Variants in NKIRAS1 observed in about 807,000 individuals in gnomAD.
NKIRAS1 encodes the protein NF-kappa-B inhibitor-interacting Ras-like protein 1.
In NKIRAS1, 16 loss-of-function variants were observed where a neutral mutation model predicts 19.8. The ratio of observed to expected loss-of-function variants is 0.81; its 90% CI spans 0.55 to 1.23. The LOEUF is 1.23. Among genes scored for constraint, NKIRAS1 ranks in the 50% most tolerant of loss-of-function variants. The probability of loss-of-function intolerance (pLI) is 0.00; values close to 1 mark genes in which losing one functional copy is unlikely to be tolerated. For missense variants in NKIRAS1, 184 were observed against 220.0 expected (o/e 0.84, Z 1.04); for synonymous variants, 88 against 79.0 (o/e 1.11, Z -0.61).
At chr3:23,906,284 G>A (rs1013819612) in intron 3 of NKIRAS1, among the ~76,000 whole-genome samples, 3 of 152,042 alleles carry the variant, frequency 2.0e-5, no homozygotes, top group African/African-American at 7.2e-5. Flanking sequence ...TAGATTATCT[G>A]ATGGAGCTGA....
chr3:23,925,400 G>A (rs1246776091), intron 1 of NKIRAS1, among the ~76,000 whole-genome samples: 39 of 152,248 alleles, frequency 2.6e-4, no homozygotes, highest in South Asian at 2.1e-4. Flanking sequence ...TTGGAAGGCC[G>A]AGGCAGGCGG....
rs879675515 is a variant in NKIRAS1 at position 23,941,972 on chromosome 3, CTTAT to C, written c.-140+4347_-140+4350del. Among the ~76,000 whole-genome samples, 500 of 100,828 alleles carry C rather than the reference CTTAT, an allele frequency of 5.0e-3. 4 individuals carry two copies. Among genetic ancestry groups the C allele is most frequent in the Middle Eastern group, 0.019 (3 of 160 alleles). 66.1% of individuals were successfully genotyped at this position (100,828 alleles called of 152,430 possible). ...ATTTTAAATAGTCTTTATTTATTTA[CTTAT>C]TTATTTATTTATTTATTTTTGAGAC... On this transcript the variant is annotated intron_variant, in intron 1 of 4. Transcript: ENST00000421515.
At chr3:23,920,813 A>C (rs930827921), upstream of NKIRAS1, 1 of 944,504 alleles carries the variant, frequency 1.1e-6, no homozygotes, top group Non-Finnish European at 1.3e-6. Flanking sequence ...AGGTTGTTCA[A>C]CTGAAGGAAT....
chr3:23,934,161 TG>T (rs1705357927), intron 1 of NKIRAS1, among the ~76,000 whole-genome samples: 1 of 152,174 alleles, frequency 6.6e-6, no homozygotes, highest in Admixed American at 6.5e-5. Flanking sequence ...TCAAAAGAAA[TG>T]GGGGAAGGTT....
chr3:23,919,249 T>C (rs747729430), upstream of NKIRAS1: 4 of 1,613,592 alleles, frequency 2.5e-6, no homozygotes, highest in Admixed American at 6.7e-5. Context: ...CTTACTGGGT[T>C]GGTGAAGATT....
upstream of NKIRAS1, chr3:23,919,111 A>G (rs1399733363): frequency 4.5e-6 from 4 of 888,294 alleles, no homozygotes; most frequent in Non-Finnish European, 5.5e-6. Flanking sequence ...CTGGTGGTGA[A>G]CTAGAGTTGA....
At position 23,892,666 on chromosome 3, in the gene NKIRAS1, CATTAG is replaced by C. The variant is rs766265186; in HGVS notation, c.*424_*428del. On this transcript the variant is annotated 3_prime_UTR_variant, in exon 5 of 5. Coordinates refer to ENST00000425478, the MANE Select transcript of NKIRAS1 (RefSeq NM_020345.4). ...CAAAAAAATGTTTTATAATCCTAGACATTAGATTAATGAACTTTTTAAAAACAAAG... is the reference window on the plus strand; with the variant it reads ...CAAAAAAATGTTTTATAATCCTAGACATTAATGAACTTTTTAAAAACAAAG... 12 of 152,838 alleles carry C rather than the reference CATTAG, an allele frequency of 7.9e-5. 1 individual carries two copies. The South Asian group carries it at 1.4e-3, about 18-fold the overall frequency. 9.5% of individuals were successfully genotyped at this position (152,838 alleles called of 1,614,324 possible). A position where few individuals can be genotyped will look rare whatever the true frequency, so the allele number is the denominator to read the frequency against.
rs547672890 is a variant in NKIRAS1 at position 23,906,961 on chromosome 3, T to C, written c.94+3850A>G. ...CAGGCTGGAGTGCAGTGGCGTGATC[T>C]TGGCTCACGATAAACTCTGCCTCCC... is the stretch of plus-strand genomic sequence containing the variant. On this transcript the variant is annotated intron_variant, in intron 3 of 4. Coordinates refer to ENST00000425478, the MANE Select transcript of NKIRAS1 (RefSeq NM_020345.4). Among the ~76,000 whole-genome samples, 14 of 152,306 alleles carry C rather than the reference T, an allele frequency of 9.2e-5. 1 individual carries two copies. In the South Asian group the frequency reaches 2.5e-3, roughly 27 times the overall value.
At chr3:23,920,640 T>G (rs561635781), upstream of NKIRAS1, 2 of 985,100 alleles carry the variant, frequency 2.0e-6, no homozygotes, top group South Asian at 4.7e-5. Context: ...TTAATTTAAA[T>G]GCTCGTTCTG....
At chr3:23,933,126 A>G (rs111539985) in intron 1 of NKIRAS1, among the ~76,000 whole-genome samples, 109 of 152,300 alleles carry the variant, frequency 7.2e-4, no homozygotes, top group African/African-American at 1.4e-3. Flanking sequence ...ACTCTGACCT[A>G]CAGGAACTGT....
chr3:23,907,870 C>T (rs1703227058), intron 3 of NKIRAS1, among the ~76,000 whole-genome samples: 1 of 151,992 alleles, frequency 6.6e-6, no homozygotes, highest in Non-Finnish European at 1.5e-5. Flanking sequence ...TGAGGAAAAT[C>T]TCTTGTGTGT....
rs1705210033 is a variant in NKIRAS1, at chr3:23,926,263, G to C, written c.-139-14813C>G. Among the ~76,000 whole-genome samples the C allele has an allele frequency of 6.6e-6, 1 of 152,154 alleles. No individual in the cohort carries two copies. Among genetic ancestry groups the C allele is most frequent in the African/African-American group, 2.4e-5 (1 of 41,442 alleles). ...GACAGGGTTTCGCCGTGTTGGCCAG[G>C]CTGGTCTCAAACGCCTGACCTTAGG... On this transcript the variant is annotated intron_variant, in intron 1 of 4. Transcript: ENST00000421515. This position sits in a 1 kb window ranked among gnomAD's most constrained non-coding sequence, Gnocchi z 4.3.
At chr3:23,907,249 G>T (rs1461891337) in intron 3 of NKIRAS1, among the ~76,000 whole-genome samples, 3 of 152,144 alleles carry the variant, frequency 2.0e-5, no homozygotes, top group Admixed American at 6.5e-5. Context: ...TATTGTAAGA[G>T]TACAGTATAT....
In NKIRAS1 at chr3:23,890,960, G is replaced by A. The variant is rs536829577; in HGVS notation, c.*2135C>T. 6.1e-6 allele frequency: 1 copy of A among 163,012 alleles called. No individual in the cohort carries two copies. Among genetic ancestry groups the A allele is most frequent in the Non-Finnish European group, 1.3e-5 (1 of 75,098 alleles). 10.1% of individuals were successfully genotyped at this position (163,012 alleles called of 1,614,324 possible). ...GGCCATTTATGTAAAGTCCCTCTAA[G>A]ACTACATACTTTTTGTTTAAAACAA... On this transcript the variant is annotated 3_prime_UTR_variant, in exon 5 of 5. Transcript: ENST00000425478.
chr3:23,900,248 A>G (rs1702378129), intron 4 of NKIRAS1, among the ~76,000 whole-genome samples: 1 of 152,238 alleles, frequency 6.6e-6, no homozygotes, highest in Non-Finnish European at 1.5e-5. Context: ...AGAAGTCATT[A>G]AAATTCAACT....
chr3:23,915,368 T>G (rs1455101750), intron 1 of NKIRAS1, among the ~76,000 whole-genome samples: 1 of 152,210 alleles, frequency 6.6e-6, no homozygotes, highest in African/African-American at 2.4e-5. Context: ...CCTACTGACT[T>G]TGGTTTTAGC....
chr3:23,898,456 T>C (rs1702194690), intron 4 of NKIRAS1, among the ~76,000 whole-genome samples: 1 of 151,908 alleles, frequency 6.6e-6, no homozygotes, highest in East Asian at 1.9e-4. Flanking sequence ...TTTTTTTTTT[T>C]TTCCGAGACA....
chr3:23,944,763 T>G (rs1705583735), intron 1 of NKIRAS1, among the ~76,000 whole-genome samples: 1 of 145,108 alleles, frequency 6.9e-6, no homozygotes, highest in African/African-American at 2.6e-5. Flanking sequence ...TAAAATCACC[T>G]AGAGGGTGCA....
At chr3:23,941,494 C>T (rs2125271827) in intron 1 of NKIRAS1, among the ~76,000 whole-genome samples, 1 of 152,304 alleles carries the variant, frequency 6.6e-6, no homozygotes, top group Admixed American at 6.5e-5. Context: ...TTATTTTGGT[C>T]AGAATGAGGA....
Sources: allele counts gnomAD v4.1 joint callset (sites outside exome capture counted in the v4.1 genomes callset), GRCh38; gene constraint gnomAD v4.1.1; non-coding constraint Gnocchi (gnomAD v3.1); transcripts MANE v1.5; gene names NCBI Gene and HGNC (gene_info 2026-07-23, HGNC 2026-07-21).